The following NRG3 variants were observed in gnomAD, a reference collection of about 807,000 sequenced individuals.
NRG3 encodes pro-neuregulin-3, membrane-bound isoform.
A neutral mutation model predicts 66.9 loss-of-function variants in NRG3; 31 were observed. The ratio of observed to expected loss-of-function variants is 0.46; its 90% CI spans 0.35 to 0.63. NRG3 has a LOEUF of 0.63. Among genes scored for constraint, NRG3 ranks in the 20% least tolerant of loss-of-function variants. The pLI is 0.00. For missense variants in NRG3, 910 were observed against 878.9 expected (o/e 1.04, Z -0.45); for synonymous variants, 393 against 359.4 (o/e 1.09, Z -1.06).
chr10:82,715,215 CA>C lies in NRG3; in HGVS notation c.954-23358del, dbSNP rs1441282584. ...TTCGAGACCAGCCTGAGCAACATGG[CA>C]AAACCCCATCGCTACCAAAAAATAC... is the stretch of plus-strand genomic sequence containing the variant. On this transcript the variant is annotated intron_variant, in intron 2 of 8. Coordinates refer to ENST00000372141, the MANE Select transcript of NRG3 (RefSeq NM_001010848.4). 2.6e-5 allele frequency among the ~76,000 whole-genome samples: 4 copies of C among 152,198 alleles called. No individual in the cohort carries two copies. The East Asian group carries it at 7.7e-4, about 29-fold the overall frequency.
chr10:82,338,850 A>G (rs1042574253), intron 1 of NRG3, among the ~76,000 whole-genome samples: 1 of 152,220 alleles, frequency 6.6e-6, no homozygotes, highest in African/African-American at 2.4e-5. Context: ...ATGCAAACCC[A>G]GATCTGCAAA....
intron 1 of NRG3, among the ~76,000 whole-genome samples, chr10:82,215,579 C>T (rs2075622900): frequency 6.6e-6 from 1 of 152,142 alleles, no homozygotes; most frequent in South Asian, 2.1e-4. Context: ...TTTTTCAAGA[C>T]AATACTATGA....
In NRG3 at chr10:82,760,295, A is replaced by G. The variant is rs74614873; in HGVS notation, c.1027+21645A>G. ...ACATCTGGTCTCTAAAGAATAACTCATGATGCTAGTGATCTCACAGGAAAA... is the reference window on the plus strand; with the variant it reads ...ACATCTGGTCTCTAAAGAATAACTCGTGATGCTAGTGATCTCACAGGAAAA... On this transcript the variant is annotated intron_variant, in intron 3 of 8. Coordinates refer to ENST00000372141, the MANE Select transcript of NRG3 (RefSeq NM_001010848.4). 8.4e-3 allele frequency among the ~76,000 whole-genome samples: 1,274 copies of G among 152,284 alleles called. 77 individuals are homozygous for G. The East Asian group carries it at 0.16, about 19-fold the overall frequency.
intron 3 of NRG3, among the ~76,000 whole-genome samples, chr10:82,746,823 A>C (rs2058665959): frequency 6.6e-6 from 1 of 152,156 alleles, no homozygotes; most frequent in African/African-American, 2.4e-5. Context: ...TCACGCTTGT[A>C]ATCTCAGCAC....
chr10:82,579,323 A>G (rs2046219204), intron 2 of NRG3, among the ~76,000 whole-genome samples: 2 of 151,918 alleles, frequency 1.3e-5, no homozygotes, highest in African/African-American at 4.8e-5. Flanking sequence ...GGTAAAATGC[A>G]TAGGGCAATA....
At chr10:82,342,651 G>A (rs1384900854) in intron 1 of NRG3, among the ~76,000 whole-genome samples, 1 of 151,924 alleles carries the variant, frequency 6.6e-6, no homozygotes, top group Admixed American at 6.6e-5. Context: ...TGAGTTCCTT[G>A]TAGATTCCGG....
intron 1 of NRG3, among the ~76,000 whole-genome samples, chr10:81,984,282 C>G (rs188628898): frequency 3.0e-4 from 45 of 152,310 alleles, no homozygotes; most frequent in African/African-American, 9.4e-4. Context: ...AATAGAATCA[C>G]ATTAATAATC....
At chr10:82,722,168 G>A (rs375846361) in intron 2 of NRG3, among the ~76,000 whole-genome samples, 4 of 152,154 alleles carry the variant, frequency 2.6e-5, no homozygotes, top group African/African-American at 9.7e-5. Flanking sequence ...TGTGGGGCCT[G>A]GTTGTTGTTC....
chr10:82,442,512 AG>A (rs2090481763), intron 2 of NRG3, among the ~76,000 whole-genome samples: 2 of 152,168 alleles, frequency 1.3e-5, no homozygotes, highest in South Asian at 4.1e-4. Flanking sequence ...ACATGGGCAA[AG>A]TACTAGCTTC....
chr10:82,586,197 C>G (rs563297444), intron 2 of NRG3, among the ~76,000 whole-genome samples: 47 of 150,198 alleles, frequency 3.1e-4, no homozygotes, highest in African/African-American at 1.1e-3. Context: ...ATGTAACAAA[C>G]TTGAACTTGT....
At chr10:82,729,546 T>C (rs1591336707) in intron 2 of NRG3, among the ~76,000 whole-genome samples, 1 of 152,124 alleles carries the variant, frequency 6.6e-6, no homozygotes, top group African/African-American at 2.4e-5. Flanking sequence ...CACCCTGAAG[T>C]GTACAGGGTG....
intron 1 of NRG3, among the ~76,000 whole-genome samples, chr10:81,976,614 A>G (rs2060133056): frequency 6.6e-6 from 1 of 152,168 alleles, no homozygotes; most frequent in Admixed American, 6.5e-5. Flanking sequence ...ATGACACACC[A>G]TTTTTACAAG....
intron 2 of NRG3, among the ~76,000 whole-genome samples, chr10:82,564,934 C>T (rs2045298858): frequency 6.6e-6 from 1 of 152,052 alleles, no homozygotes; most frequent in Admixed American, 6.6e-5. Context: ...TTGCAGGCCT[C>T]TTTGGTGCCA....
At chr10:82,405,940 G>C (rs1333207728) in intron 2 of NRG3, among the ~76,000 whole-genome samples, 1 of 151,914 alleles carries the variant, frequency 6.6e-6, no homozygotes, top group Admixed American at 6.6e-5. Context: ...CCAACCATTA[G>C]CTCTGGAATA....
chr10:82,393,990 A>G (rs2086558803), intron 2 of NRG3, among the ~76,000 whole-genome samples: 1 of 152,076 alleles, frequency 6.6e-6, no homozygotes, highest in South Asian at 2.1e-4. Context: ...CCTATGTATA[A>G]TTGCACCTAC....
chr10:82,063,923 C>A (rs1418384024), intron 1 of NRG3, among the ~76,000 whole-genome samples: 1 of 152,062 alleles, frequency 6.6e-6, no homozygotes, highest in Non-Finnish European at 1.5e-5. Context: ...ATCTCAAAAA[C>A]GTTTTAGTTG....
At chr10:82,962,763 CG>C (rs1268317279) in intron 6 of NRG3, among the ~76,000 whole-genome samples, 2 of 151,936 alleles carry the variant, frequency 1.3e-5, no homozygotes, top group Non-Finnish European at 2.9e-5. Context: ...TGCTTGAACC[CG>C]GGAGGCAGAG....
intron 3 of NRG3, among the ~76,000 whole-genome samples, chr10:82,798,233 A>G (rs564370345): frequency 1.3e-5 from 2 of 152,334 alleles, no homozygotes; most frequent in Admixed American, 6.5e-5. Context: ...GGTAAATGAA[A>G]CAATCCTGCA....
At chr10:82,590,746 A>G (rs1261232921) in intron 2 of NRG3, among the ~76,000 whole-genome samples, 7 of 152,326 alleles carry the variant, frequency 4.6e-5, no homozygotes, top group South Asian at 4.1e-4. Context: ...TTGATGCTCA[A>G]CATCAGGTAG....
Sources: allele counts gnomAD v4.1 joint callset (sites outside exome capture counted in the v4.1 genomes callset), GRCh38; gene constraint gnomAD v4.1.1; transcripts MANE v1.5; gene names NCBI Gene and HGNC (gene_info 2026-07-23, HGNC 2026-07-21).